RASA1: variants seen among roughly 807,000 people sequenced by gnomAD.
RASA1 encodes the protein ras GTPase-activating protein 1.
Under a neutral mutation model 132.2 loss-of-function variants are expected in RASA1, and 25 were observed. The ratio of observed to expected loss-of-function variants is 0.19; its 90% CI spans 0.14 to 0.26. The LOEUF (loss-of-function observed/expected upper bound fraction) is 0.26. Among genes scored for constraint, RASA1 ranks in the 10% least tolerant of loss-of-function variants. The pLI, the probability that RASA1 is intolerant of heterozygous loss-of-function variation, is 1.00. For synonymous variants in RASA1, 477 were observed against 449.9 expected (o/e 1.06, Z -0.76); for missense variants, 964 against 1,299.2 (o/e 0.74, Z 3.97).
At chr5:87,289,747 A>G (rs1754832317) in intron 1 of RASA1, among the ~76,000 whole-genome samples, 1 of 152,084 alleles carries the variant, frequency 6.6e-6, no homozygotes, top group Admixed American at 6.6e-5. Flanking sequence ...ATTAACTAAG[A>G]CTACAGATGC....
At chr5:87,381,655 T>A (rs906347616) in intron 20 of RASA1, among the ~76,000 whole-genome samples, 1 of 152,190 alleles carries the variant, frequency 6.6e-6, no homozygotes. Flanking sequence ...AGATTCTGTT[T>A]TTCTTGGCAT....
intron 6 of RASA1, among the ~76,000 whole-genome samples, chr5:87,342,859 G>A (rs62368949): frequency 0.35 from 53,042 of 151,862 alleles, 9,593 homozygotes; most frequent in East Asian, 0.48. Flanking sequence ...TAATAGCAAT[G>A]GAATTTTAAA....
chr5:87,373,589 T>C (rs1761107076), intron 13 of RASA1, among the ~76,000 whole-genome samples: 1 of 152,136 alleles, frequency 6.6e-6, no homozygotes, highest in South Asian at 2.1e-4. Flanking sequence ...AAGTAGTATA[T>C]GGCAAGAGAG....
intron 11 of RASA1, among the ~76,000 whole-genome samples, chr5:87,368,338 T>G (rs1240319160): frequency 6.6e-6 from 1 of 152,206 alleles, no homozygotes; most frequent in African/African-American, 2.4e-5. Context: ...GGCAAAATTC[T>G]TGTTACCTAT....
intron 1 of RASA1, among the ~76,000 whole-genome samples, chr5:87,315,521 T>C (rs1756259606): frequency 6.6e-6 from 1 of 152,170 alleles, no homozygotes; most frequent in Admixed American, 6.5e-5. Flanking sequence ...ACAAAGGAAA[T>C]TTGGGGGCAC....
At chr5:87,383,512 G>GAT (rs945607697) in intron 20 of RASA1, among the ~76,000 whole-genome samples, 4 of 151,934 alleles carry the variant, frequency 2.6e-5, no homozygotes, top group Admixed American at 6.6e-5. Flanking sequence ...TCAAGAAGCA[G>GAT]ATATATATAT....
At position 87,389,384 on chromosome 5, in the gene RASA1, C is replaced by T. The variant is rs1007307873; in HGVS notation, c.2926-9C>T. The T allele has an allele frequency of 6.2e-7, 1 of 1,613,834 alleles. No homozygotes were observed. Among genetic ancestry groups the T allele is most frequent in the African/African-American group, 1.3e-5 (1 of 75,018 alleles). On this transcript the variant is annotated splice_polypyrimidine_tract_variant and intron_variant, in intron 23 of 24. Transcript: ENST00000274376. ...TATTTCTAAATGCAATTTTACGATT[C>T]CCTTAAAGAATGTACCTGAACTTCC... is the stretch of plus-strand genomic sequence containing the variant.
intron 6 of RASA1, among the ~76,000 whole-genome samples, chr5:87,343,675 A>G (rs1301662543): frequency 6.6e-6 from 1 of 152,186 alleles, no homozygotes; most frequent in East Asian, 1.9e-4. Context: ...TCTTCAAAAA[A>G]TTAAAAATAA....
chr5:87,346,867 T>A lies in RASA1; in HGVS notation c.1102+143T>A, dbSNP rs1758901080. 5.4e-6 allele frequency: 3 copies of A among 550,506 alleles called. No individual in the cohort carries two copies. The East Asian group carries it at 9.5e-5, about 18-fold the overall frequency. 34.1% of individuals were successfully genotyped at this position (550,506 alleles called of 1,614,324 possible). Reference sequence around the variant, plus strand: ...TTCGTGTCCAGTACTAAGAAGCTGGTGTTTTTATTTATATTTTAAACATAC... The same window carrying A: ...TTCGTGTCCAGTACTAAGAAGCTGGAGTTTTTATTTATATTTTAAACATAC... On this transcript the variant is annotated intron_variant, in intron 7 of 24. Transcript: ENST00000274376.
In RASA1 at chr5:87,374,909, T is replaced by G; in HGVS notation, c.2004T>G (p.Pro668=). The G allele has an allele frequency of 6.2e-7, 1 of 1,606,978 alleles. No individual in the cohort carries two copies. Among genetic ancestry groups the G allele is most frequent in the Non-Finnish European group, 8.5e-7 (1 of 1,177,490 alleles). Residue 668 remains proline (P), a synonymous_variant, in exon 15 of 25, where the codon CCT becomes CCG. Coordinates refer to ENST00000274376, the MANE Select transcript of RASA1 (RefSeq NM_002890.3). Reference sequence around the variant, plus strand: ...ATAAAACAAAGAAAAGCAAAGATCCTGATATCTGTAAGTTGATACAGAAAC... The same window carrying G: ...ATAAAACAAAGAAAAGCAAAGATCCGGATATCTGTAAGTTGATACAGAAAC... ...LSNKTKKSKD[P]DILFMRCQLS... is the part of the protein sequence containing the mutation.
At position 87,372,126 on chromosome 5, in the gene RASA1, G is replaced by A. The variant is rs2112480036; in HGVS notation, c.1707G>A (p.Met569Ile). The A allele has an allele frequency of 6.2e-7, 1 of 1,613,410 alleles. No homozygotes were observed. The highest frequency in any genetic ancestry group is 8.5e-7 in the Non-Finnish European group (1 of 1,179,636). ...GETPEQAEDW[M>I]KGLQAFCNLR... ...GCTGTTTTTCTTTGCAGGATTGGATGAAAGGTCTGCAGGCATTTTGCAATT... is the reference window on the plus strand; with the variant it reads ...GCTGTTTTTCTTTGCAGGATTGGATAAAAGGTCTGCAGGCATTTTGCAATT... The change falls in exon 13 of 25, where the codon ATG becomes ATA. Residue 569 changes from methionine to isoleucine, a missense_variant. This residue lies in a region of RASA1 where 346 missense variants were observed against 520.1 expected (regional missense o/e 0.67). Coordinates refer to ENST00000274376, the MANE Select transcript of RASA1 (RefSeq NM_002890.3).
chr5:87,270,042 G>T (rs945446784), intron 1 of RASA1, among the ~76,000 whole-genome samples: 2 of 151,926 alleles, frequency 1.3e-5, no homozygotes, highest in African/African-American at 2.4e-5. Context: ...AGGAGTTCGA[G>T]ACCAACCTGG....
chr5:87,278,906 G>GTTTTTTTTT (rs1754186395), intron 1 of RASA1, among the ~76,000 whole-genome samples: 1 of 60,838 alleles, frequency 1.6e-5, no homozygotes, highest in Non-Finnish European at 3.3e-5. Context: ...CTGCTAATTT[G>GTTTTTTTTT]TTCTTTTTTT....
chr5:87,357,223 C>T (rs1759717388), intron 9 of RASA1, among the ~76,000 whole-genome samples: 1 of 151,856 alleles, frequency 6.6e-6, no homozygotes, highest in Non-Finnish European at 1.5e-5. Flanking sequence ...ATATAACATA[C>T]ACACACATAT....
intron 1 of RASA1, among the ~76,000 whole-genome samples, chr5:87,301,635 T>C (rs556552086): frequency 7.2e-5 from 11 of 152,278 alleles, no homozygotes; most frequent in Admixed American, 5.9e-4. Flanking sequence ...CAGAAGTGTT[T>C]CAGATTTCGT....
intron 1 of RASA1, among the ~76,000 whole-genome samples, chr5:87,316,739 A>T (rs920146589): frequency 3.3e-5 from 5 of 152,208 alleles, no homozygotes; most frequent in African/African-American, 1.2e-4. Context: ...ACAATTATAG[A>T]TACAAAGCTG....
At chr5:87,325,351 A>C (rs778726655) in intron 1 of RASA1, among the ~76,000 whole-genome samples, 2 of 152,250 alleles carry the variant, frequency 1.3e-5, no homozygotes, top group Non-Finnish European at 2.9e-5. Context: ...GACACAGCCA[A>C]ACCATATCAC....
intron 15 of RASA1, among the ~76,000 whole-genome samples, chr5:87,375,869 G>C (rs1270624745): frequency 6.6e-6 from 1 of 152,160 alleles, no homozygotes; most frequent in Non-Finnish European, 1.5e-5. Flanking sequence ...AGTAATTTTA[G>C]TTTTCCATTA....
At chr5:87,290,723 T>C (rs1255272503) in intron 1 of RASA1, among the ~76,000 whole-genome samples, 1 of 152,222 alleles carries the variant, frequency 6.6e-6, no homozygotes, top group East Asian at 1.9e-4. Context: ...CAGGATGTTG[T>C]ATAGATGGAA....
Sources: allele counts gnomAD v4.1 joint callset (sites outside exome capture counted in the v4.1 genomes callset), GRCh38; gene constraint gnomAD v4.1.1; regional missense constraint gnomAD v4.1.1; transcripts MANE v1.5; gene names NCBI Gene and HGNC (gene_info 2026-07-23, HGNC 2026-07-21).